Variants in SNX24 observed in about 807,000 individuals in gnomAD.
SNX24 encodes sorting nexin 24.
A neutral mutation model predicts 28.7 loss-of-function variants in SNX24; 22 were observed. The observed-to-expected ratio is 0.77, with a 90% CI of 0.55 to 1.10. SNX24 has a LOEUF of 1.10. Ranked by LOEUF, SNX24 falls within the 50% of genes least tolerant of loss-of-function variation. The pLI, the probability that SNX24 is intolerant of heterozygous loss-of-function variation, is 0.00. For missense variants in SNX24, 221 were observed against 201.1 expected (o/e 1.10, Z -0.60); for synonymous variants, 69 against 71.5 (o/e 0.96, Z 0.18).
At chr5:122,952,792 C>T (rs1289480409) in intron 3 of SNX24, among the ~76,000 whole-genome samples, 1 of 152,168 alleles carries the variant, frequency 6.6e-6, no homozygotes, top group African/African-American at 2.4e-5. Context: ...TCCAAGAACA[C>T]ATGAGAGTTC....
At chr5:122,974,857 C>T (rs1040821446) in intron 3 of SNX24, among the ~76,000 whole-genome samples, 1 of 152,208 alleles carries the variant, frequency 6.6e-6, no homozygotes, top group Non-Finnish European at 1.5e-5. Flanking sequence ...CATAATTGCC[C>T]TCACCCTACC....
chr5:122,995,307 G>A (rs1228305209), intron 3 of SNX24, among the ~76,000 whole-genome samples: 2 of 152,200 alleles, frequency 1.3e-5, no homozygotes, highest in Non-Finnish European at 2.9e-5. Context: ...AGAACAGTTA[G>A]TTAACTTAAA....
At chr5:123,015,444 T>C (rs986528962) in intron 5 of SNX24, among the ~76,000 whole-genome samples, 3 of 152,210 alleles carry the variant, frequency 2.0e-5, no homozygotes, top group Non-Finnish European at 2.9e-5. Flanking sequence ...TAACTACATA[T>C]TTGGATGATC....
chr5:122,955,781 A>G (rs1213027144), intron 3 of SNX24, among the ~76,000 whole-genome samples: 1 of 152,168 alleles, frequency 6.6e-6, no homozygotes, highest in African/African-American at 2.4e-5. Context: ...GTTTCCGCTG[A>G]CACCATAAGA....
intron 1 of SNX24, among the ~76,000 whole-genome samples, chr5:122,877,176 A>T (rs1756262568): frequency 1.3e-5 from 2 of 151,960 alleles, no homozygotes; most frequent in South Asian, 4.2e-4. Context: ...AGGGGTGGAG[A>T]TGAGAGAATG....
rs944079915 is a variant in SNX24 at position 122,917,953 on chromosome 5, G to A, written c.61-18781G>A. On this transcript the variant is annotated intron_variant, in intron 1 of 6. Transcript: ENST00000261369. ...AAATTAGCCGGGCATGGTGGTGGGC[G>A]CCTGTAGTCCCATCTACTCAGGAGG... 4.6e-5 allele frequency among the ~76,000 whole-genome samples: 7 copies of A among 152,162 alleles called. No homozygotes were observed. In the South Asian group the frequency reaches 6.2e-4, roughly 14 times the overall value.
chr5:122,915,349 G>C (rs1758111580), intron 1 of SNX24, among the ~76,000 whole-genome samples: 1 of 152,124 alleles, frequency 6.6e-6, no homozygotes, highest in Non-Finnish European at 1.5e-5. Flanking sequence ...TTCATGGCCA[G>C]GTGCTGTGGT....
chr5:122,959,926 A>G (rs1253610564), intron 3 of SNX24, among the ~76,000 whole-genome samples: 3 of 152,182 alleles, frequency 2.0e-5, no homozygotes, highest in Non-Finnish European at 4.4e-5. Flanking sequence ...AGAATCTCTG[A>G]ATGATAGAGT....
At chr5:122,943,931 C>T (rs1759570917) in intron 2 of SNX24, among the ~76,000 whole-genome samples, 1 of 152,140 alleles carries the variant, frequency 6.6e-6, no homozygotes, top group Non-Finnish European at 1.5e-5. Context: ...TATTCTGACT[C>T]CCACATTTAC....
chr5:122,934,792 A>C (rs1759112125), intron 1 of SNX24, among the ~76,000 whole-genome samples: 1 of 152,160 alleles, frequency 6.6e-6, no homozygotes, highest in Admixed American at 6.5e-5. Context: ...TGTTTTTTCA[A>C]CTGTAACATT....
chr5:122,867,926 C>G (rs1006343508), intron 1 of SNX24, among the ~76,000 whole-genome samples: 6 of 152,214 alleles, frequency 3.9e-5, no homozygotes, highest in Non-Finnish European at 8.8e-5. Flanking sequence ...AATCACATGT[C>G]TGGCCATTTC....
intron 1 of SNX24, among the ~76,000 whole-genome samples, chr5:122,924,211 A>G (rs1480716697): frequency 6.6e-6 from 1 of 152,244 alleles, no homozygotes; most frequent in East Asian, 1.9e-4. Context: ...TTTATAAGTT[A>G]GGCACAATAA....
rs200997871 is a variant in SNX24 at position 122,996,178 on chromosome 5, G to A, written c.250-3734G>A. Among the ~76,000 whole-genome samples the A allele has an allele frequency of 2.5e-3, 385 of 152,314 alleles. 2 individuals are homozygous for A. Among genetic ancestry groups the A allele is most frequent in the Non-Finnish European group, 4.6e-3 (312 of 68,040 alleles). The stretch of plus-strand genomic sequence containing the variant: ...TCAGCCCAGAGCTGAAGGCATTAAT[G>A]AATTCTAATAGCAAGGCAGCATACC... On this transcript the variant is annotated intron_variant, in intron 3 of 6. Transcript: ENST00000261369.
rs554230812 is a variant in SNX24 at position 122,948,293 on chromosome 5, A to G, written c.249+2134A>G. Among the ~76,000 whole-genome samples, 20 of 152,250 alleles carry G rather than the reference A, an allele frequency of 1.3e-4. No homozygotes were observed. The East Asian group carries it at 2.5e-3, about 19-fold the overall frequency. ...GCATTACTGTTTCTTCTGCTTGCTTACATTACACCAGCTAGAATCCATTCA... is the reference window on the plus strand; with the variant it reads ...GCATTACTGTTTCTTCTGCTTGCTTGCATTACACCAGCTAGAATCCATTCA... On this transcript the variant is annotated intron_variant, in intron 3 of 6. Coordinates refer to ENST00000261369, the MANE Select transcript of SNX24 (RefSeq NM_014035.4).
chr5:123,001,303 A>T (rs988931171), intron 4 of SNX24, 102 bp from the exon 5 acceptor site: 8 of 751,464 alleles, frequency 1.1e-5, no homozygotes, highest in African/African-American at 1.1e-4. Context: ...ATAACTACCA[A>T]TTCAGTCATC....
At chr5:122,881,971 A>ATT (rs200785867) in intron 1 of SNX24, among the ~76,000 whole-genome samples, 56 of 138,956 alleles carry the variant, frequency 4.0e-4, no homozygotes, top group Middle Eastern at 3.6e-3. Context: ...TGTTTGTTGG[A>ATT]TTTTTTTTTT....
At chr5:122,920,575 C>T (rs1050888456) in intron 1 of SNX24, among the ~76,000 whole-genome samples, 2 of 152,154 alleles carry the variant, frequency 1.3e-5, no homozygotes, top group Non-Finnish European at 2.9e-5. Context: ...CATGACAAAG[C>T]AATACACAGT....
intron 3 of SNX24, among the ~76,000 whole-genome samples, chr5:122,946,574 G>A (rs370705206): frequency 6.6e-6 from 1 of 152,094 alleles, no homozygotes; most frequent in Non-Finnish European, 1.5e-5. Context: ...CCTGGCTAGT[G>A]TATCTTTGGA....
intron 1 of SNX24, among the ~76,000 whole-genome samples, chr5:122,935,479 G>C (rs1759141949): frequency 6.6e-6 from 1 of 152,052 alleles, no homozygotes; most frequent in South Asian, 2.1e-4. Flanking sequence ...TTATTCAGGG[G>C]TATTTCTTGA....
Sources: gnomAD v4.1 joint callset for allele counts (sites outside exome capture counted in the v4.1 genomes callset) on GRCh38, gnomAD v4.1.1 for gene constraint, MANE v1.5 for transcripts, NCBI Gene and HGNC (gene_info 2026-07-23, HGNC 2026-07-21) for gene names.